The following PPARG variants were observed in gnomAD, a reference collection of about 807,000 sequenced individuals.
PPARG encodes the protein peroxisome proliferator-activated receptor gamma.
In PPARG, 17 loss-of-function variants were observed where a neutral mutation model predicts 39.2. The observed-to-expected ratio is 0.43, with a 90% CI of 0.30 to 0.65. PPARG has a LOEUF of 0.65. Ranked by LOEUF, PPARG falls within the 30% of genes least tolerant of loss-of-function variation. The pLI is 0.13. For synonymous variants in PPARG, 223 were observed against 215.7 expected (o/e 1.03, Z -0.30); for missense variants, 406 against 585.9 (o/e 0.69, Z 3.17).
intron 5 of PPARG, among the ~76,000 whole-genome samples, chr3:12,396,456 T>C (rs2050262796): frequency 6.6e-6 from 1 of 152,072 alleles, no homozygotes; most frequent in South Asian, 2.1e-4. Context: ...TATTTAGTCA[T>C]TAAGAATTTT....
At chr3:12,296,974 CAT>C (rs1288209120) in intron 1 of PPARG, among the ~76,000 whole-genome samples, 1 of 152,028 alleles carries the variant, frequency 6.6e-6, no homozygotes, top group Non-Finnish European at 1.5e-5. Context: ...GATTTACACT[CAT>C]ATATATCTGA....
At chr3:12,367,807 C>T (rs375312552) in intron 2 of PPARG, among the ~76,000 whole-genome samples, 7 of 151,826 alleles carry the variant, frequency 4.6e-5, no homozygotes, top group African/African-American at 1.7e-4. Context: ...ACAGGGAGGT[C>T]GAGGCTTCAG....
In PPARG at chr3:12,367,227, T is replaced by C. The variant is rs570859109; in HGVS notation, c.-8-12477T>C. ...TGAGATCTGTAATGATACCCCTCTT[T>C]CATTTCTGAATAACTTTCATTCATT... On this transcript the variant is annotated intron_variant, in intron 2 of 7. Transcript: ENST00000651735. Among the ~76,000 whole-genome samples the C allele has an allele frequency of 1.1e-4, 17 of 152,324 alleles. No individual in the cohort carries two copies. The South Asian group carries it at 3.1e-3, about 28-fold the overall frequency.
At chr3:12,411,148 A>C (rs2050867241) in intron 6 of PPARG, among the ~76,000 whole-genome samples, 1 of 152,228 alleles carries the variant, frequency 6.6e-6, no homozygotes, top group African/African-American at 2.4e-5. Flanking sequence ...GTGTTCTTTC[A>C]GAGAATAAGT....
In PPARG at chr3:12,335,502, C is replaced by T. The variant is rs113847387; in HGVS notation, c.-9+23049C>T. On this transcript the variant is annotated intron_variant, in intron 2 of 7. Transcript: ENST00000651735. ...GTGAATGTCTGTCACCTCTTGGAAG[C>T]CTTGAAATACACAAATTGACTATTG... Among the ~76,000 whole-genome samples, 441 of 152,158 alleles carry T rather than the reference C, an allele frequency of 2.9e-3. 2 individuals carry two copies. The highest frequency in any genetic ancestry group is 4.2e-3 in the Non-Finnish European group (285 of 68,010).
In PPARG at chr3:12,375,263, A is replaced by G. The variant is rs571931955; in HGVS notation, c.-8-4441A>G. 2.6e-5 allele frequency among the ~76,000 whole-genome samples: 4 copies of G among 152,272 alleles called. No individual in the cohort carries two copies. In the South Asian group the frequency reaches 6.2e-4, roughly 24 times the overall value. On this transcript the variant is annotated intron_variant, in intron 2 of 7. Transcript: ENST00000651735. ...GGAGGTGGGAGAGAGAGAGAGAGAG[A>G]GAGAGAGGAAAGAAAGCAGCATGGC...
At chr3:12,359,621 A>G (rs1408652739) in intron 2 of PPARG, among the ~76,000 whole-genome samples, 1 of 152,044 alleles carries the variant, frequency 6.6e-6, no homozygotes, top group Admixed American at 6.6e-5. Context: ...ATACAAGCCA[A>G]ATATATCAGT....
At chr3:12,309,290 CTG>C (rs1478838894) in intron 1 of PPARG, among the ~76,000 whole-genome samples, 11 of 152,114 alleles carry the variant, frequency 7.2e-5, no homozygotes, top group Admixed American at 7.2e-4. Flanking sequence ...TTACTGAGTA[CTG>C]TTTTTGTCGT....
At chr3:12,288,678 C>T (rs970966952), upstream of PPARG, among the ~76,000 whole-genome samples, 3 of 152,080 alleles carry the variant, frequency 2.0e-5, no homozygotes, top group Admixed American at 6.5e-5. Flanking sequence ...GAGGGGCGCG[C>T]TTGTAGCTGG....
intron 2 of PPARG, among the ~76,000 whole-genome samples, chr3:12,334,040 A>G (rs1468991138): frequency 6.6e-6 from 1 of 152,136 alleles, no homozygotes; most frequent in East Asian, 1.9e-4. Context: ...AATTCAAATC[A>G]TGTATCATTA....
At chr3:12,387,490 C>G (rs918998408) in intron 4 of PPARG, among the ~76,000 whole-genome samples, 1 of 152,140 alleles carries the variant, frequency 6.6e-6, no homozygotes, top group Non-Finnish European at 1.5e-5. Context: ...AGCATTTTTT[C>G]ATATGTCTGT....
In PPARG at chr3:12,387,377, G is replaced by A. The variant is rs570230795; in HGVS notation, c.391-5237G>A. Among the ~76,000 whole-genome samples, 8 of 152,154 alleles carry A rather than the reference G, an allele frequency of 5.3e-5. No individual in the cohort carries two copies. The South Asian group carries it at 6.2e-4, about 12-fold the overall frequency. ...CCTATTTCTCCACATCCTCTCCAGC[G>A]TCTGTTTTTTTCCTGACTTTTTAAT... On this transcript the variant is annotated intron_variant, in intron 4 of 7. Transcript: ENST00000651735.
intron 5 of PPARG, among the ~76,000 whole-genome samples, chr3:12,404,061 A>T (rs2050570421): frequency 6.6e-6 from 1 of 152,210 alleles, no homozygotes; most frequent in Non-Finnish European, 1.5e-5. Flanking sequence ...GTAGATAAAA[A>T]TATGAACAAC....
intron 1 of PPARG, among the ~76,000 whole-genome samples, chr3:12,303,397 C>T (rs373145968): frequency 1.3e-5 from 2 of 152,096 alleles, no homozygotes; most frequent in South Asian, 2.1e-4. Flanking sequence ...GATGGGGTTT[C>T]GCCATATTAG....
Position 12,434,091 on chromosome 3 carries a change from G to C in PPARG, c.1374G>C (p.Glu458Asp). The C allele has an allele frequency of 6.2e-7, 1 of 1,614,190 alleles. No homozygotes were observed. The highest frequency in any genetic ancestry group is 8.5e-7 in the Non-Finnish European group (1 of 1,180,026). ...VQLLQVIKKT[E>D]TDMSLHPLLQ... Reference sequence around the variant, plus strand: ...TACTGCAGGTGATCAAGAAGACGGAGACAGACATGAGTCTTCACCCGCTCC... The same window carrying C: ...TACTGCAGGTGATCAAGAAGACGGACACAGACATGAGTCTTCACCCGCTCC... Residue 458 changes from glutamate (E) to aspartate (D), a missense_variant, in exon 8 of 8, where the codon GAG (glutamate) becomes GAC (aspartate). Transcript: ENST00000651735. This position sits in a 1 kb window ranked among gnomAD's most constrained non-coding sequence, Gnocchi z 4.2.
chr3:12,366,331 ATT>A, intron 2 of PPARG, among the ~76,000 whole-genome samples: 1 of 145,822 alleles, frequency 6.9e-6, no homozygotes, highest in Non-Finnish European at 1.5e-5. Context: ...GGTCCAGGAG[ATT>A]TTTTTTTTTT....
At chr3:12,366,239 GT>G (rs2049012181) in intron 2 of PPARG, among the ~76,000 whole-genome samples, 2 of 151,880 alleles carry the variant, frequency 1.3e-5, no homozygotes, top group Admixed American at 6.6e-5. Context: ...AATTTCGCTT[GT>G]TCATTGCTGG....
At chr3:12,368,388 G>A (rs1575067976) in intron 2 of PPARG, among the ~76,000 whole-genome samples, 1 of 151,502 alleles carries the variant, frequency 6.6e-6, no homozygotes, top group African/African-American at 2.4e-5. Flanking sequence ...CACCATGTAG[G>A]CCAGGCTGGT....
intron 2 of PPARG, among the ~76,000 whole-genome samples, chr3:12,378,288 A>C (rs1406004197): frequency 6.6e-6 from 1 of 152,186 alleles, no homozygotes; most frequent in Non-Finnish European, 1.5e-5. Context: ...AGGGAAATGG[A>C]ATCAGTATGT....
Sources: gnomAD v4.1 joint callset for allele counts (sites outside exome capture counted in the v4.1 genomes callset) on GRCh38, gnomAD v4.1.1 for gene constraint, Gnocchi (gnomAD v3.1) non-coding constraint, MANE v1.5 for transcripts, NCBI Gene and HGNC (gene_info 2026-07-23, HGNC 2026-07-21) for gene names.